SUFU: variants seen among roughly 807,000 people sequenced by gnomAD.
SUFU encodes the protein suppressor of fused homolog.
A neutral mutation model predicts 58.9 loss-of-function variants in SUFU; 7 were observed. The observed-to-expected ratio is 0.12, with a 90% CI of 0.07 to 0.22. The LOEUF (loss-of-function observed/expected upper bound fraction) is 0.22. Ranked by LOEUF, SUFU falls within the 10% of genes least tolerant of loss-of-function variation. The pLI is 1.00. For synonymous variants in SUFU, 232 were observed against 254.8 expected, an observed-to-expected ratio of 0.91 and a Z score of 0.85; for missense variants, 451 against 641.3, an observed-to-expected ratio of 0.70 and a Z score of 3.20.
At chr10:102,525,787 A>C (rs1288568258) in intron 2 of SUFU, among the ~76,000 whole-genome samples, 1 of 152,208 alleles carries the variant, frequency 6.6e-6, no homozygotes, top group Non-Finnish European at 1.5e-5. Flanking sequence ...TACATGCATG[A>C]GCCACTGCAC....
At chr10:102,531,165 G>A (rs1277299219) in intron 2 of SUFU, among the ~76,000 whole-genome samples, 2 of 151,990 alleles carry the variant, frequency 1.3e-5, no homozygotes, top group East Asian at 3.9e-4. Context: ...TGAGGCAGGA[G>A]GATCACTTGA....
chr10:102,527,323 T>A (rs2062621932), intron 2 of SUFU, among the ~76,000 whole-genome samples: 1 of 152,022 alleles, frequency 6.6e-6, no homozygotes, highest in South Asian at 2.1e-4. Flanking sequence ...AATTATTTGT[T>A]GACTGATGAG....
intron 3 of SUFU, among the ~76,000 whole-genome samples, chr10:102,555,821 T>G (rs1442978126): frequency 2.0e-5 from 3 of 152,226 alleles, no homozygotes; most frequent in Admixed American, 6.5e-5. Context: ...TACCCCTGTG[T>G]GGTTACACGC....
In SUFU at chr10:102,630,233, G is replaced by A; in HGVS notation, c.*78G>A. 3 of 1,225,996 alleles carry A rather than the reference G, an allele frequency of 2.4e-6. No individual in the cohort carries two copies. Among genetic ancestry groups the A allele is most frequent in the Non-Finnish European group, 2.4e-6 (2 of 833,536 alleles). The allele number at this position is 1,225,996 out of a possible 1,614,324, so 75.9% of individuals were successfully genotyped here. A position where few individuals can be genotyped will look rare whatever the true frequency, so the allele number is the denominator to read the frequency against. ...CTTCCAGTGTAACAGTTGTGTCAAC[G>A]AGATCTCCACAAATAAAAGGACAAG... On this transcript the variant is annotated 3_prime_UTR_variant, in exon 12 of 12. Transcript: ENST00000369902.
At chr10:102,613,385 C>T (rs868309366) in intron 8 of SUFU, among the ~76,000 whole-genome samples, 2 of 152,272 alleles carry the variant, frequency 1.3e-5, no homozygotes, top group African/African-American at 4.8e-5. Flanking sequence ...AGAAGGCCAG[C>T]AGGCAGGCAC....
At chr10:102,620,107 CTT>C (rs2063727660) in intron 10 of SUFU, among the ~76,000 whole-genome samples, 4 of 152,212 alleles carry the variant, frequency 2.6e-5, no homozygotes. Context: ...GAGACCCAGT[CTT>C]ATGTTCTCTT....
chr10:102,619,423 CG>C lies in SUFU; in HGVS notation c.1296+1997del. Reference sequence around the variant, plus strand: ...CGCGGTGGGAACGAGCTGCTGGCCTCGGCATGTTTCAATAAAGTTGCTGTGC... The same window carrying C: ...CGCGGTGGGAACGAGCTGCTGGCCTCGCATGTTTCAATAAAGTTGCTGTGC... On this transcript the variant is annotated intron_variant, in intron 10 of 11. Transcript: ENST00000369902. This position sits in a 1 kb window ranked among gnomAD's most constrained non-coding sequence, Gnocchi z 4.2. 1 of 1,338,070 alleles carries C rather than the reference CG, an allele frequency of 7.5e-7. No individual in the cohort carries two copies. The highest frequency in any genetic ancestry group is 9.6e-7 in the Non-Finnish European group (1 of 1,039,374). 82.9% of individuals were successfully genotyped at this position (1,338,070 alleles called of 1,614,324 possible).
Position 102,613,462 on chromosome 10 carries a change from C to T in SUFU, c.1023-1806C>T, listed in dbSNP as rs570328429. On this transcript the variant is annotated intron_variant, in intron 8 of 11. Coordinates refer to ENST00000369902, the MANE Select transcript of SUFU (RefSeq NM_016169.4). ...AGGGCCATCCTCTGTCTTTGGCCTG[C>T]GGACCCTACACCTTCCCCTGGGGAG... Among the ~76,000 whole-genome samples the T allele has an allele frequency of 2.1e-4, 32 of 152,364 alleles. No homozygotes were observed. In the South Asian group the frequency reaches 6.0e-3, roughly 29 times the overall value.
At chr10:102,545,061 A>C (rs1432222024) in intron 2 of SUFU, among the ~76,000 whole-genome samples, 1 of 151,844 alleles carries the variant, frequency 6.6e-6, no homozygotes, top group African/African-American at 2.4e-5. Context: ...TACTATGAAT[A>C]ATGCTACTAT....
rs181482924 is a variant in SUFU at position 102,626,313 on chromosome 10, C to T, written c.1297-862C>T. Among the ~76,000 whole-genome samples, 194 of 152,200 alleles carry T rather than the reference C, an allele frequency of 1.3e-3. 1 individual carries two copies. In the South Asian group the frequency reaches 0.016, roughly 12 times the overall value. On this transcript the variant is annotated intron_variant, in intron 10 of 11. Coordinates refer to ENST00000369902, the MANE Select transcript of SUFU (RefSeq NM_016169.4). ...AATGGCCCAGCAGATTGAGGAAGGC[C>T]GGTTTTAGAGGGCCTGAGAGCCCTT...
At chr10:102,621,238 A>G (rs976880994) in intron 10 of SUFU, among the ~76,000 whole-genome samples, 1 of 152,204 alleles carries the variant, frequency 6.6e-6, no homozygotes. Flanking sequence ...GAACCCAGGC[A>G]TACTTATTCT....
chr10:102,590,442 G>C (rs994653835), intron 3 of SUFU, among the ~76,000 whole-genome samples: 4 of 152,046 alleles, frequency 2.6e-5, no homozygotes, highest in African/African-American at 9.7e-5. Flanking sequence ...TGGGATTACA[G>C]GCATGAGCCA....
Position 102,629,099 on chromosome 10 carries a change from T to C in SUFU, c.1366-967T>C, listed in dbSNP as rs1258338277. ...TGAACCCGGGAAGCAAAAGTTGCAG[T>C]GAGCCGAGATCGCGCCATTGCACTC... On this transcript the variant is annotated intron_variant, in intron 11 of 11. Coordinates refer to ENST00000369902, the MANE Select transcript of SUFU (RefSeq NM_016169.4). This position sits in a 1 kb window ranked among gnomAD's most constrained non-coding sequence, Gnocchi z 4.7. 1.3e-5 allele frequency among the ~76,000 whole-genome samples: 2 copies of C among 152,006 alleles called. No individual in the cohort carries two copies. Among genetic ancestry groups the C allele is most frequent in the Non-Finnish European group, 2.9e-5 (2 of 68,006 alleles).
chr10:102,602,786 A>T (rs2063526105), intron 8 of SUFU, among the ~76,000 whole-genome samples: 1 of 152,130 alleles, frequency 6.6e-6, no homozygotes, highest in African/African-American at 2.4e-5. Flanking sequence ...GCCTTCCCGG[A>T]AGGAGAGTCC....
intron 2 of SUFU, among the ~76,000 whole-genome samples, chr10:102,510,576 C>T (rs938432415): frequency 1.3e-5 from 2 of 151,514 alleles, no homozygotes; most frequent in African/African-American, 4.8e-5. Context: ...AATCCCAGCA[C>T]TTTGTGGGGC....
chr10:102,600,814 G>T (rs2063508714), intron 8 of SUFU, among the ~76,000 whole-genome samples: 1 of 152,302 alleles, frequency 6.6e-6, no homozygotes, highest in South Asian at 2.1e-4. Flanking sequence ...GAGCTCTTTG[G>T]CAAAAGCCTG....
rs555180973 is a variant in SUFU, at chr10:102,586,439, C to T, written c.455-6143C>T. 1.3e-4 allele frequency among the ~76,000 whole-genome samples: 20 copies of T among 151,818 alleles called. No individual in the cohort carries two copies. In the South Asian group the frequency reaches 2.3e-3, roughly 17 times the overall value. On this transcript the variant is annotated intron_variant, in intron 3 of 11. Transcript: ENST00000369902. ...CTGTAATCCCAGCACTTTGGGAGGC[C>T]GAGGCGGGTGGATCATGAGGTCAGG...
chr10:102,614,897 A>T (rs578177823), intron 8 of SUFU, among the ~76,000 whole-genome samples: 55 of 146,398 alleles, frequency 3.8e-4, no homozygotes, highest in African/African-American at 1.4e-3. Context: ...AAAAAAAAAT[A>T]GAATGTTGGC....
intron 2 of SUFU, among the ~76,000 whole-genome samples, chr10:102,509,698 C>CAT (rs2062376324): frequency 1.3e-5 from 2 of 152,286 alleles, no homozygotes; most frequent in South Asian, 4.1e-4. Flanking sequence ...CACTCATATA[C>CAT]CCACAACCCA....
Sources: gnomAD v4.1 joint callset for allele counts (sites outside exome capture counted in the v4.1 genomes callset) on GRCh38, gnomAD v4.1.1 for gene constraint, Gnocchi (gnomAD v3.1) non-coding constraint, MANE v1.5 for transcripts, NCBI Gene and HGNC (gene_info 2026-07-23, HGNC 2026-07-21) for gene names.